SGK1: variants seen among roughly 807,000 people sequenced by gnomAD.
SGK1 encodes the protein serum/glucocorticoid regulated kinase 1.
Under a neutral mutation model 64.2 loss-of-function variants are expected in SGK1, and 26 were observed. That is an observed-to-expected ratio of 0.40 (90% CI 0.30 to 0.56). SGK1 has a LOEUF of 0.56. Ranked by LOEUF, SGK1 falls within the 20% of genes least tolerant of loss-of-function variation. The pLI, the probability that SGK1 is intolerant of heterozygous loss-of-function variation, is 0.38. For missense variants in SGK1, 519 were observed against 645.6 expected, an observed-to-expected ratio of 0.80 and a Z score of 2.12; for synonymous variants, 265 against 239.7, an observed-to-expected ratio of 1.11 and a Z score of -0.98.
intron 3 of SGK1, chr6:134,175,583 C>G: frequency 6.4e-7 from 1 of 1,568,326 alleles, no homozygotes; most frequent in East Asian, 2.4e-5. Flanking sequence ...CTTTTCTGCG[C>G]CTCGGCCCTC....
chr6:134,175,940 AG>A, intron 3 of SGK1: 2 of 818,692 alleles, frequency 2.4e-6, no homozygotes, highest in Non-Finnish European at 3.0e-6. Context: ...TGTGGAGGGG[AG>A]GGGGCGGAAA....
intron 1 of SGK1, among the ~76,000 whole-genome samples, chr6:134,309,734 G>A (rs1777584295): frequency 6.6e-6 from 1 of 152,162 alleles, no homozygotes; most frequent in Non-Finnish European, 1.5e-5. Context: ...AGGAGCCAAT[G>A]ATTTCACGCT....
chr6:134,312,992 C>T (rs1461254173), intron 1 of SGK1, among the ~76,000 whole-genome samples: 1 of 152,102 alleles, frequency 6.6e-6, no homozygotes, highest in Non-Finnish European at 1.5e-5. Flanking sequence ...AGGTTGGTCT[C>T]GAACTCCTGA....
chr6:134,310,084 A>C (rs1191946696), intron 1 of SGK1, among the ~76,000 whole-genome samples: 1 of 141,024 alleles, frequency 7.1e-6, no homozygotes, highest in Non-Finnish European at 1.5e-5. Flanking sequence ...CACGTTCCTC[A>C]CTCCTGCCCC....
At chr6:134,171,201 T>TTA in intron 11 of SGK1, 23 bp from the exon 12 acceptor site, 1 of 1,611,848 alleles carries the variant, frequency 6.2e-7, no homozygotes, top group Non-Finnish European at 8.5e-7. Context: ...GAAAATTACT[T>TTA]TAGACTTAAT....
chr6:134,190,185 T>C (rs1258017215), intron 3 of SGK1, among the ~76,000 whole-genome samples: 1 of 152,100 alleles, frequency 6.6e-6, no homozygotes, highest in Non-Finnish European at 1.5e-5. Context: ...TCTGCTCCTA[T>C]ATTCATAACT....
chr6:134,181,068 C>G (rs377066693), intron 3 of SGK1, among the ~76,000 whole-genome samples: 39 of 152,316 alleles, frequency 2.6e-4, no homozygotes, highest in East Asian at 7.7e-4. Flanking sequence ...TCGGCCTCCT[C>G]TCCATTCTCT....
chr6:134,204,278 C>T (rs1394464472), intron 3 of SGK1, among the ~76,000 whole-genome samples: 1 of 150,758 alleles, frequency 6.6e-6, no homozygotes, highest in Non-Finnish European at 1.5e-5. Context: ...TTACTCTAGA[C>T]ATAGATCCTA....
At chr6:134,226,353 G>GGT (rs140610497) in intron 2 of SGK1, among the ~76,000 whole-genome samples, 11,681 of 144,852 alleles carry the variant, frequency 0.081, 502 homozygotes, top group African/African-American at 0.091. Context: ...CATCCAAAAA[G>GGT]GTGTTTTTTT....
intron 3 of SGK1, among the ~76,000 whole-genome samples, chr6:134,197,547 C>T (rs1016603582): frequency 2.6e-5 from 4 of 151,858 alleles, no homozygotes; most frequent in South Asian, 2.1e-4. Context: ...AAAAGTAGGC[C>T]GGGCGTGGTG....
chr6:134,253,279 C>T (rs1776631764), intron 2 of SGK1, among the ~76,000 whole-genome samples: 2 of 151,416 alleles, frequency 1.3e-5, no homozygotes, highest in African/African-American at 2.4e-5. Context: ...CTCAGGAGTT[C>T]GTCTTTTGTT....
Position 134,171,141 on chromosome 6 carries a change from T to C in SGK1, c.1205A>G (p.Asp402Gly). 1 of 1,614,150 alleles carries C rather than the reference T, an allele frequency of 6.2e-7. No homozygotes were observed. The highest frequency in any genetic ancestry group is 1.1e-5 in the South Asian group (1 of 91,088). Residue 402 changes from aspartate to glycine, a missense_variant, in exon 12 of 14, where the codon GAC becomes GGC. This residue lies in a region of SGK1 where 278 missense variants were observed against 408.7 expected (regional missense o/e 0.68). Coordinates refer to ENST00000367858, the MANE Select transcript of SGK1 (RefSeq NM_001143676.3). ...CTGGAGAGGCTTGTTCAGAATGTTG[T>C]CGTACATTTCAGCTGTGTTTCGGCT... The part of the protein sequence containing the change: ...FYSRNTAEMY[D>G]NILNKPLQLK...
chr6:134,174,922 C>A (rs960964336), intron 3 of SGK1: 1 of 1,532,794 alleles, frequency 6.5e-7, no homozygotes, highest in South Asian at 1.2e-5. Context: ...GCGGGGCCTG[C>A]GCGACAGTGA....
chr6:134,216,452 T>C (rs4895397), intron 2 of SGK1, among the ~76,000 whole-genome samples: 86,005 of 152,160 alleles, frequency 0.57, 29,331 homozygotes, highest in South Asian at 0.83. Flanking sequence ...TCATAGGATA[T>C]AATACCGTCT....
chr6:134,197,975 G>A (rs1775623341), intron 3 of SGK1, among the ~76,000 whole-genome samples: 1 of 151,638 alleles, frequency 6.6e-6, no homozygotes, highest in Non-Finnish European at 1.5e-5. Flanking sequence ...CAAATTTATG[G>A]GTGAACATCC....
chr6:134,254,385 T>C (rs1776650323), intron 2 of SGK1, among the ~76,000 whole-genome samples: 1 of 152,122 alleles, frequency 6.6e-6, no homozygotes, highest in Non-Finnish European at 1.5e-5. Context: ...TCCATTTTCC[T>C]CCAAGTGCCT....
At chr6:134,264,745 C>T (rs1225672579) in intron 1 of SGK1, among the ~76,000 whole-genome samples, 3 of 151,948 alleles carry the variant, frequency 2.0e-5, no homozygotes, top group East Asian at 1.9e-4. Context: ...TAGGCTCAAG[C>T]GATCCTCCCA....
At chr6:134,177,713 G>A (rs1248168298) in intron 3 of SGK1, 2 of 1,613,862 alleles carry the variant, frequency 1.2e-6, no homozygotes, top group Non-Finnish European at 1.7e-6. Flanking sequence ...GGTTGCCCAA[G>A]GATATGCAGG....
chr6:134,225,119 G>A (rs562196316), intron 2 of SGK1, among the ~76,000 whole-genome samples: 3 of 151,954 alleles, frequency 2.0e-5, no homozygotes, highest in African/African-American at 7.2e-5. Context: ...GGAGGCCGAG[G>A]CAGGTGGATC....
Sources: gnomAD v4.1 joint callset for allele counts (sites outside exome capture counted in the v4.1 genomes callset) on GRCh38, gnomAD v4.1.1 for gene constraint, gnomAD v4.1.1 regional missense constraint, MANE v1.5 for transcripts, NCBI Gene and HGNC (gene_info 2026-07-23, HGNC 2026-07-21) for gene names.